Variants in ANKRD13C observed in about 807,000 individuals in gnomAD.
ANKRD13C encodes the protein ankyrin repeat domain 13C.
Under a neutral mutation model 65.5 loss-of-function variants are expected in ANKRD13C, and 16 were observed. That is an observed-to-expected ratio of 0.24 (90% confidence interval 0.17 to 0.37). The LOEUF is 0.37. Among genes scored for constraint, ANKRD13C ranks in the 10% least tolerant of loss-of-function variants. The probability of loss-of-function intolerance (pLI) is 1.00; values close to 1 mark genes in which losing one functional copy is unlikely to be tolerated. For missense variants in ANKRD13C, 503 were observed against 655.9 expected (o/e 0.77, Z 2.55); for synonymous variants, 235 against 238.7 (o/e 0.98, Z 0.14).
In ANKRD13C at chr1:70,296,235, CTCT is replaced by C. The variant is rs1680077522; in HGVS notation, c.945_947del (p.Glu316del). 6.2e-7 allele frequency: 1 copy of C among 1,613,436 alleles called. No homozygotes were observed. Among genetic ancestry groups the C allele is most frequent in the Non-Finnish European group, 8.5e-7 (1 of 1,179,800 alleles). ...TATCACTGCTCATTAAAATATCCAC[CTCT>C]TCTTCTGTTTCCATCTCTGATTCCT... On this transcript the variant is annotated inframe_deletion, in exon 8 of 13. Coordinates refer to ENST00000370944, the MANE Select transcript of ANKRD13C (RefSeq NM_030816.5).
At chr1:70,316,516 C>G (rs543338433) in intron 3 of ANKRD13C, among the ~76,000 whole-genome samples, 1 of 146,646 alleles carries the variant, frequency 6.8e-6, no homozygotes, top group South Asian at 2.4e-4. Context: ...GACCCCATCT[C>G]TATTAAAAAA....
At chr1:70,323,121 T>G (rs540568127) in intron 3 of ANKRD13C, among the ~76,000 whole-genome samples, 3 of 152,242 alleles carry the variant, frequency 2.0e-5, no homozygotes, top group African/African-American at 7.2e-5. Flanking sequence ...GACCAGTTGT[T>G]GCAACTCTTA....
chr1:70,352,699 C>T (rs1302875104), intron 1 of ANKRD13C, among the ~76,000 whole-genome samples: 1 of 152,168 alleles, frequency 6.6e-6, no homozygotes. Context: ...AAAGGGCTAG[C>T]ATAGAATTAC....
At chr1:70,345,685 C>T (rs1682497216) in intron 1 of ANKRD13C, among the ~76,000 whole-genome samples, 1 of 152,160 alleles carries the variant, frequency 6.6e-6, no homozygotes, top group Non-Finnish European at 1.5e-5. Flanking sequence ...CTGACTAGAA[C>T]AGTCTTTTAT....
intron 6 of ANKRD13C, among the ~76,000 whole-genome samples, chr1:70,302,648 C>T (rs1312464672): frequency 1.9e-5 from 2 of 106,108 alleles, no homozygotes; most frequent in Non-Finnish European, 1.8e-5. Flanking sequence ...ATGGCGTGAA[C>T]CCGGGAGGCG....
intron 11 of ANKRD13C, among the ~76,000 whole-genome samples, chr1:70,272,709 C>T (rs1330099254): frequency 6.6e-6 from 1 of 151,766 alleles, no homozygotes; most frequent in Non-Finnish European, 1.5e-5. Flanking sequence ...GAATCTTTGG[C>T]CAGGTGTGGT....
At chr1:70,309,669 T>G (rs1159197081) in intron 5 of ANKRD13C, among the ~76,000 whole-genome samples, 1 of 144,976 alleles carries the variant, frequency 6.9e-6, no homozygotes, top group African/African-American at 2.5e-5. Flanking sequence ...GAGCTTGCAG[T>G]GAGCCGAGAT....
intron 3 of ANKRD13C, among the ~76,000 whole-genome samples, chr1:70,324,406 T>A (rs534106580): frequency 6.6e-6 from 1 of 152,372 alleles, no homozygotes; most frequent in African/African-American, 2.4e-5. Context: ...ACTCTTTTAA[T>A]GACTAAAACA....
At chr1:70,318,691 T>G (rs1004759666) in intron 3 of ANKRD13C, among the ~76,000 whole-genome samples, 7 of 146,928 alleles carry the variant, frequency 4.8e-5, no homozygotes, top group East Asian at 2.0e-4. Flanking sequence ...TTTTTTTTTT[T>G]TTTTTTTTTT....
chr1:70,353,746 C>A (rs1189439368), intron 1 of ANKRD13C, among the ~76,000 whole-genome samples: 1 of 152,210 alleles, frequency 6.6e-6, no homozygotes, highest in Non-Finnish European at 1.5e-5. Context: ...AACAAAACAG[C>A]TTCTCACGAC....
intron 2 of ANKRD13C, among the ~76,000 whole-genome samples, chr1:70,334,477 A>G (rs1572159156): frequency 1.3e-5 from 2 of 151,482 alleles, no homozygotes; most frequent in East Asian, 3.9e-4. Flanking sequence ...AAATGAAAAA[A>G]TTAGCCGGGC....
intron 5 of ANKRD13C, among the ~76,000 whole-genome samples, chr1:70,307,516 T>G (rs1184391968): frequency 6.6e-6 from 1 of 152,216 alleles, no homozygotes; most frequent in African/African-American, 2.4e-5. Flanking sequence ...TAGAAACCAT[T>G]TAATGCAAAA....
At chr1:70,322,266 A>G (rs1681344926) in intron 3 of ANKRD13C, among the ~76,000 whole-genome samples, 1 of 152,196 alleles carries the variant, frequency 6.6e-6, no homozygotes. Context: ...AAGTACAGAC[A>G]TATGTTTAAC....
chr1:70,324,928 C>G lies in ANKRD13C; in HGVS notation c.502G>C (p.Ala168Pro). The change falls in exon 3 of 13, where the codon GCT (alanine) becomes CCT (proline). Residue 168 changes from alanine to proline, a missense_variant. Around this residue, in one of 2 missense-constraint regions of ANKRD13C, gnomAD observed 300 missense variants for 478.3 expected, o/e 0.63. Coordinates refer to ENST00000370944, the MANE Select transcript of ANKRD13C (RefSeq NM_030816.5). ...TGAGCATTTTTCACCTTGACTGGAG[C>G]ATTGTGAGCCAAAAGTAAATGGGCA... is the stretch of plus-strand genomic sequence containing the variant. ...ECAHLLLAHNAPVKVKNAQGW... is the reference protein window; with the variant it reads ...ECAHLLLAHNPPVKVKNAQGW... 2 of 1,610,948 alleles carry G rather than the reference C, an allele frequency of 1.2e-6. No individual in the cohort carries two copies. Among genetic ancestry groups the G allele is most frequent in the Non-Finnish European group, 1.7e-6 (2 of 1,178,218 alleles).
chr1:70,291,689 C>T (rs565373064), intron 9 of ANKRD13C, among the ~76,000 whole-genome samples: 2 of 152,268 alleles, frequency 1.3e-5, no homozygotes, highest in East Asian at 3.9e-4. Context: ...CACCTGTAAT[C>T]CCAGCTACTC....
At chr1:70,295,429 G>C (rs1377417760) in intron 8 of ANKRD13C, among the ~76,000 whole-genome samples, 1 of 151,898 alleles carries the variant, frequency 6.6e-6, no homozygotes, top group Admixed American at 6.6e-5. Context: ...TGTATTTTTA[G>C]TAGAGACAGG....
intron 9 of ANKRD13C, among the ~76,000 whole-genome samples, chr1:70,281,216 A>C (rs767620591): frequency 6.6e-6 from 1 of 151,988 alleles, no homozygotes; most frequent in African/African-American, 2.4e-5. Context: ...GACAGTTACC[A>C]GTGTTTATGT....
At chr1:70,284,538 G>A (rs1004981577) in intron 9 of ANKRD13C, among the ~76,000 whole-genome samples, 2 of 151,964 alleles carry the variant, frequency 1.3e-5, no homozygotes, top group South Asian at 2.1e-4. Flanking sequence ...TTGCTAAGAC[G>A]TGTTAATACC....
chr1:70,282,077 T>C (rs1439817475), intron 9 of ANKRD13C, among the ~76,000 whole-genome samples: 1 of 145,838 alleles, frequency 6.9e-6, no homozygotes, highest in Non-Finnish European at 1.5e-5. Context: ...TTTTTTGAGA[T>C]GGAGTCTCGC....
Sources: allele counts gnomAD v4.1 joint callset (sites outside exome capture counted in the v4.1 genomes callset), GRCh38; gene constraint gnomAD v4.1.1; regional missense constraint gnomAD v4.1.1; transcripts MANE v1.5; gene names NCBI Gene and HGNC (gene_info 2026-07-23, HGNC 2026-07-21).